The following ERC2 variants were observed in gnomAD, a reference collection of about 807,000 sequenced individuals.
ERC2 encodes ERC protein 2.
A neutral mutation model predicts 114.8 loss-of-function variants in ERC2; 42 were observed. The ratio of observed to expected loss-of-function variants is 0.37; its 90% CI spans 0.29 to 0.47. The LOEUF (loss-of-function observed/expected upper bound fraction) is 0.47. ERC2 is among the 20% of genes least tolerant of loss of function. ERC2 has a pLI of 0.99. For synonymous variants in ERC2, 454 were observed against 425.5 expected (o/e 1.07, Z -0.82); for missense variants, 939 against 1,150.7 (o/e 0.82, Z 2.66).
chr3:55,727,283 T>C (rs1174653764), intron 15 of ERC2, among the ~76,000 whole-genome samples: 1 of 152,186 alleles, frequency 6.6e-6, no homozygotes, highest in African/African-American at 2.4e-5. Flanking sequence ...ATTTAACTGA[T>C]TCCCAATTGA....
chr3:55,978,436 T>C (rs920462695), intron 12 of ERC2, among the ~76,000 whole-genome samples: 1 of 152,232 alleles, frequency 6.6e-6, no homozygotes, highest in Non-Finnish European at 1.5e-5. Context: ...TCTCAATGGC[T>C]TGGGAGAAAA....
At chr3:55,878,809 T>C (rs1407677935) in intron 14 of ERC2, among the ~76,000 whole-genome samples, 1 of 152,192 alleles carries the variant, frequency 6.6e-6, no homozygotes, top group Non-Finnish European at 1.5e-5. Context: ...CTAATTTAAT[T>C]CTCTGAAGAC....
chr3:56,186,570 T>C (rs572089830), intron 3 of ERC2, among the ~76,000 whole-genome samples: 1 of 152,300 alleles, frequency 6.6e-6, no homozygotes, highest in South Asian at 2.1e-4. Context: ...TCGCTCTTGT[T>C]GCCCAGGCTG....
intron 17 of ERC2, among the ~76,000 whole-genome samples, chr3:55,561,254 C>G (rs556132410): frequency 6.6e-6 from 1 of 151,946 alleles, no homozygotes. Flanking sequence ...GCTATATGAC[C>G]TTTGGCAAAT....
chr3:56,033,784 AG>A (rs1157752580), intron 7 of ERC2, among the ~76,000 whole-genome samples: 1 of 152,074 alleles, frequency 6.6e-6, no homozygotes, highest in Non-Finnish European at 1.5e-5. Context: ...TCAGCCTACA[AG>A]ATTTCTTTTT....
intron 1 of ERC2, among the ~76,000 whole-genome samples, chr3:56,440,090 C>G (rs569824669): frequency 6.6e-6 from 1 of 152,030 alleles, no homozygotes; most frequent in Non-Finnish European, 1.5e-5. Context: ...AATTATTAAA[C>G]CAACTAATAG....
chr3:55,697,766 G>A (rs1051435868), intron 16 of ERC2, among the ~76,000 whole-genome samples: 4 of 152,004 alleles, frequency 2.6e-5, no homozygotes, highest in African/African-American at 9.7e-5. Context: ...TCTCTCTGTT[G>A]GGGTTTGAGT....
chr3:55,712,953 TG>T (rs894217811), intron 15 of ERC2, among the ~76,000 whole-genome samples: 1 of 152,186 alleles, frequency 6.6e-6, no homozygotes, highest in Non-Finnish European at 1.5e-5. Flanking sequence ...AGTCTTCACA[TG>T]TGTCCTTACA....
At chr3:55,840,565 A>G (rs2061088384) in intron 14 of ERC2, among the ~76,000 whole-genome samples, 1 of 152,026 alleles carries the variant, frequency 6.6e-6, no homozygotes, top group Admixed American at 6.6e-5. Context: ...TTTGGAAAAC[A>G]GTCAACGATT....
At chr3:56,262,879 A>T (rs1436073303) in intron 3 of ERC2, among the ~76,000 whole-genome samples, 1 of 152,202 alleles carries the variant, frequency 6.6e-6, no homozygotes, top group Admixed American at 6.5e-5. Context: ...ATTCCCTGTA[A>T]CAATTTAACA....
intron 10 of ERC2, 88 bp from the exon 11 acceptor site, chr3:55,992,338 T>G: frequency 8.2e-7 from 1 of 1,216,382 alleles, no homozygotes; most frequent in East Asian, 2.4e-5. Context: ...GAAATTAACT[T>G]TGGAGAGAAA....
rs78095188 is a variant in ERC2, at chr3:55,895,610, C to T, written c.2404-7061G>A. Among the ~76,000 whole-genome samples, 386 of 152,282 alleles carry T rather than the reference C, an allele frequency of 2.5e-3. 3 individuals carry two copies. Among genetic ancestry groups the T allele is most frequent in the African/African-American group, 8.8e-3 (365 of 41,556 alleles). On this transcript the variant is annotated intron_variant, in intron 13 of 17. Coordinates refer to ENST00000288221, the MANE Select transcript of ERC2 (RefSeq NM_015576.3). The stretch of plus-strand genomic sequence containing the variant: ...GCTTAGTTGCTATAATACAACTGGA[C>T]TGTAATCCCTGGAGGGCAGAGACTG...
intron 13 of ERC2, among the ~76,000 whole-genome samples, chr3:55,899,123 C>G (rs1271728328): frequency 6.6e-6 from 1 of 152,170 alleles, no homozygotes; most frequent in Non-Finnish European, 1.5e-5. Flanking sequence ...TGAGAACATA[C>G]CATTTTCACA....
At chr3:56,134,209 G>A (rs1050641077) in intron 6 of ERC2, among the ~76,000 whole-genome samples, 4 of 152,224 alleles carry the variant, frequency 2.6e-5, no homozygotes, top group South Asian at 2.1e-4. Context: ...CTATTTCTTC[G>A]TGTCTTCTTT....
intron 14 of ERC2, among the ~76,000 whole-genome samples, chr3:55,872,468 A>C (rs1016745928): frequency 1.3e-5 from 2 of 152,242 alleles, no homozygotes; most frequent in African/African-American, 4.8e-5. Context: ...TTGCAAATGC[A>C]GTTTACTTAA....
At chr3:56,035,487 T>G (rs1397686510) in intron 7 of ERC2, among the ~76,000 whole-genome samples, 1 of 152,202 alleles carries the variant, frequency 6.6e-6, no homozygotes, top group Non-Finnish European at 1.5e-5. Flanking sequence ...TATTCACGTG[T>G]TGGAGACTTA....
intron 14 of ERC2, among the ~76,000 whole-genome samples, chr3:55,756,083 G>T (rs2067040905): frequency 6.6e-6 from 1 of 152,138 alleles, no homozygotes; most frequent in African/African-American, 2.4e-5. Context: ...ACGTCAGGCA[G>T]AAATAAGTGG....
chr3:55,938,127 G>A (rs1187060883), intron 13 of ERC2, among the ~76,000 whole-genome samples: 1 of 152,120 alleles, frequency 6.6e-6, no homozygotes, highest in Non-Finnish European at 1.5e-5. Flanking sequence ...GGGCATGAGA[G>A]AGAAGCAAGA....
chr3:55,927,518 G>C (rs2065817489), intron 13 of ERC2, among the ~76,000 whole-genome samples: 1 of 151,878 alleles, frequency 6.6e-6, no homozygotes, highest in African/African-American at 2.4e-5. Flanking sequence ...TTTTGATATA[G>C]GCACACAATG....
Sources: allele counts gnomAD v4.1 joint callset (sites outside exome capture counted in the v4.1 genomes callset), GRCh38; gene constraint gnomAD v4.1.1; transcripts MANE v1.5; gene names NCBI Gene and HGNC (gene_info 2026-07-23, HGNC 2026-07-21).